CSMD1: variants seen among roughly 807,000 people sequenced by gnomAD.
CSMD1 encodes CUB and Sushi multiple domains 1.
A neutral mutation model predicts 417.5 loss-of-function variants in CSMD1; 213 were observed. The observed-to-expected ratio is 0.51, with a 90% confidence interval of 0.46 to 0.57. The LOEUF (loss-of-function observed/expected upper bound fraction) is 0.57. Among genes scored for constraint, CSMD1 ranks in the 20% least tolerant of loss-of-function variants. The probability of loss-of-function intolerance (pLI) is 0.00; values close to 1 mark genes in which losing one functional copy is unlikely to be tolerated. For synonymous variants in CSMD1, 2,862 were observed against 1,736.8 expected, an observed-to-expected ratio of 1.65 and a Z score of -16.11; for missense variants, 6,923 against 4,529.7, an observed-to-expected ratio of 1.53 and a Z score of -15.17.
intron 9 of CSMD1, among the ~76,000 whole-genome samples, chr8:3,582,537 G>A (rs1002904326): frequency 1.3e-5 from 2 of 152,134 alleles, no homozygotes; most frequent in African/African-American, 4.8e-5. Flanking sequence ...GTTTTTCATA[G>A]TGAGGAAGAA....
chr8:3,778,194 G>C lies in CSMD1; in HGVS notation c.819-24152C>G, dbSNP rs188433175. Among the ~76,000 whole-genome samples, 10 of 152,342 alleles carry C rather than the reference G, an allele frequency of 6.6e-5. No homozygotes were observed. In the East Asian group the frequency reaches 1.9e-3, roughly 29 times the overall value. On this transcript the variant is annotated intron_variant, in intron 5 of 69. Transcript: ENST00000635120. ...AGGCGTCAGCAGGGGGCAGGGACGG[G>C]ATCCTGGCCGTTTGTCCTTTAGAGG...
chr8:3,350,096 TATA>T lies in CSMD1; in HGVS notation c.3305-1938_3305-1936del, dbSNP rs1240394360. 5.0e-3 allele frequency among the ~76,000 whole-genome samples: 659 copies of T among 132,052 alleles called. 19 individuals are homozygous for T. The highest frequency in any genetic ancestry group is 0.016 in the African/African-American group (573 of 34,770). 86.6% of individuals were successfully genotyped at this position (132,052 alleles called of 152,430 possible). On this transcript the variant is annotated intron_variant, in intron 21 of 69. Coordinates refer to ENST00000635120, the MANE Select transcript of CSMD1 (RefSeq NM_033225.6). ...GTGTGTTATAATACCTATAATAACC[TATA>T]ATAACTTGTGTATGTGTGTGTTACA...
intron 4 of CSMD1, among the ~76,000 whole-genome samples, chr8:4,000,681 A>G (rs1815597865): frequency 6.6e-6 from 1 of 152,150 alleles, no homozygotes; most frequent in African/African-American, 2.4e-5. Context: ...ATAACTCTAT[A>G]TAAACATATC....
At chr8:4,514,321 G>C (rs527295536) in intron 2 of CSMD1, among the ~76,000 whole-genome samples, 17 of 152,196 alleles carry the variant, frequency 1.1e-4, no homozygotes, top group African/African-American at 3.9e-4. Context: ...TACTTCTTTA[G>C]AGACCCTCTC....
intron 1 of CSMD1, among the ~76,000 whole-genome samples, chr8:4,912,917 C>G (rs1028768135): frequency 6.6e-6 from 1 of 152,102 alleles, no homozygotes; most frequent in Admixed American, 6.5e-5. Flanking sequence ...TCCCAAGTAG[C>G]TGGGACTACA....
At chr8:4,201,566 A>T (rs1273968223) in intron 3 of CSMD1, among the ~76,000 whole-genome samples, 1 of 146,544 alleles carries the variant, frequency 6.8e-6, no homozygotes, top group Non-Finnish European at 1.5e-5. Context: ...AAAAAAAAAA[A>T]AAAAAAAAAA....
chr8:4,173,826 G>C (rs914835772), intron 3 of CSMD1, among the ~76,000 whole-genome samples: 1 of 152,118 alleles, frequency 6.6e-6, no homozygotes, highest in Non-Finnish European at 1.5e-5. Flanking sequence ...AATCTGATCA[G>C]GCTTCTCAGT....
At chr8:4,082,702 G>A (rs1290304088) in intron 3 of CSMD1, among the ~76,000 whole-genome samples, 1 of 151,464 alleles carries the variant, frequency 6.6e-6, no homozygotes, top group Non-Finnish European at 1.5e-5. Context: ...CCATGCTGGT[G>A]TGCTGCACCC....
intron 2 of CSMD1, among the ~76,000 whole-genome samples, chr8:4,430,995 C>T (rs1036761030): frequency 9.9e-5 from 15 of 152,066 alleles, no homozygotes; most frequent in Non-Finnish European, 1.6e-4. Flanking sequence ...TCAGTTATGC[C>T]ACTTTTCTCT....
intron 2 of CSMD1, among the ~76,000 whole-genome samples, chr8:4,469,856 C>A (rs1800421500): frequency 6.7e-6 from 1 of 149,884 alleles, no homozygotes; most frequent in Non-Finnish European, 1.5e-5. Context: ...CGTGATCTGG[C>A]CTTTGGTTTT....
At chr8:3,188,081 TGTATATG>T (rs1796174023) in intron 35 of CSMD1, 116 bp from the exon 36 acceptor site, 1 of 341,936 alleles carries the variant, frequency 2.9e-6, no homozygotes, top group Non-Finnish European at 5.3e-6. Flanking sequence ...TATATACATA[TGTATATG>T]TATATATATA....
intron 6 of CSMD1, among the ~76,000 whole-genome samples, chr8:3,741,046 C>G (rs1796775700): frequency 6.6e-6 from 1 of 151,918 alleles, no homozygotes; most frequent in South Asian, 2.1e-4. Context: ...CAAACTCCGT[C>G]TCTACTAAAA....
chr8:3,790,178 A>G (rs1172037783), intron 5 of CSMD1, among the ~76,000 whole-genome samples: 1 of 152,254 alleles, frequency 6.6e-6, no homozygotes, highest in Non-Finnish European at 1.5e-5. Flanking sequence ...CAAATACATA[A>G]TCAGAACTCT....
At chr8:4,073,193 C>T (rs1002542642) in intron 3 of CSMD1, among the ~76,000 whole-genome samples, 2 of 151,978 alleles carry the variant, frequency 1.3e-5, no homozygotes, top group African/African-American at 2.4e-5. Context: ...CTTCAAAGAA[C>T]GCTCACAACA....
intron 6 of CSMD1, among the ~76,000 whole-genome samples, chr8:3,747,687 T>C (rs1797127568): frequency 6.6e-6 from 1 of 152,202 alleles, no homozygotes; most frequent in Non-Finnish European, 1.5e-5. Context: ...TAGCTGCTCA[T>C]TTCTGTTGGA....
chr8:4,794,798 T>C (rs991050740), intron 1 of CSMD1, among the ~76,000 whole-genome samples: 1 of 152,182 alleles, frequency 6.6e-6, no homozygotes. Context: ...GTAGTTTGAA[T>C]AGAAGCACTC....
rs556704721 is a variant in CSMD1, at chr8:4,605,768, C to T, written c.302+31574G>A. ...TAAATCTGGGAATCAATTTACGCTG[C>T]CATTGCAAGCTCACCGGTCCAATGC... On this transcript the variant is annotated intron_variant, in intron 2 of 69. Transcript: ENST00000635120. 5.3e-5 allele frequency among the ~76,000 whole-genome samples: 8 copies of T among 152,306 alleles called. No homozygotes were observed. The South Asian group carries it at 1.2e-3, about 24-fold the overall frequency.
intron 2 of CSMD1, among the ~76,000 whole-genome samples, chr8:4,479,161 A>G (rs1800956743): frequency 1.3e-5 from 2 of 152,246 alleles, no homozygotes; most frequent in African/African-American, 4.8e-5. Context: ...ATAAATAAAT[A>G]CATAAATAAT....
At chr8:4,702,804 T>C (rs1190566297) in intron 1 of CSMD1, among the ~76,000 whole-genome samples, 2 of 152,106 alleles carry the variant, frequency 1.3e-5, no homozygotes, top group Admixed American at 6.5e-5. Flanking sequence ...TAAATAATAA[T>C]AGCGGGATTC....
Sources: gnomAD v4.1 joint callset for allele counts (sites outside exome capture counted in the v4.1 genomes callset) on GRCh38, gnomAD v4.1.1 for gene constraint, MANE v1.5 for transcripts, NCBI Gene and HGNC (gene_info 2026-07-23, HGNC 2026-07-21) for gene names.